TNKS: variants seen among roughly 807,000 people sequenced by gnomAD.
TNKS encodes the protein tankyrase.
TNKS carries 72 observed loss-of-function variants against 135.8 expected under a neutral mutation model. The observed-to-expected ratio is 0.53, with a 90% CI of 0.44 to 0.64. The LOEUF is 0.64. Ranked by LOEUF, TNKS falls within the 30% of genes least tolerant of loss-of-function variation. The pLI is 0.00. For synonymous variants in TNKS, 849 were observed against 649.3 expected (o/e 1.31, Z -4.68); for missense variants, 1,769 against 1,674.0 (o/e 1.06, Z -0.99).
chr8:9,663,058 C>A (rs191268000), intron 3 of TNKS, among the ~76,000 whole-genome samples: 158 of 152,270 alleles, frequency 1.0e-3, no homozygotes, highest in African/African-American at 3.6e-3. Context: ...GATCTGATGA[C>A]AGAATTAGAG....
intron 1 of TNKS, among the ~76,000 whole-genome samples, chr8:9,559,698 A>T (rs1401126407): frequency 2.0e-5 from 3 of 152,166 alleles, no homozygotes; most frequent in Non-Finnish European, 4.4e-5. Context: ...AAGTGAGAAC[A>T]TGTGGTATTT....
At chr8:9,659,196 G>T (rs1021348127) in intron 3 of TNKS, among the ~76,000 whole-genome samples, 1 of 152,166 alleles carries the variant, frequency 6.6e-6, no homozygotes, top group South Asian at 2.1e-4. Context: ...AGTTAACAAA[G>T]ATATCCAGGA....
chr8:9,644,395 CTG>C (rs1196522828), intron 3 of TNKS, among the ~76,000 whole-genome samples: 4 of 152,244 alleles, frequency 2.6e-5, no homozygotes, highest in African/African-American at 9.6e-5. Context: ...TGAGAAGACT[CTG>C]TTATCATTAT....
At chr8:9,765,851 G>A in intron 24 of TNKS, 54 bp downstream of exon 24, 1 of 1,454,904 alleles carries the variant, frequency 6.9e-7, no homozygotes, top group Non-Finnish European at 9.6e-7. Flanking sequence ...GCAGGAGTCA[G>A]TAAAGGGAAA....
chr8:9,766,961 G>T (rs572756818), intron 25 of TNKS, among the ~76,000 whole-genome samples: 37 of 152,254 alleles, frequency 2.4e-4, no homozygotes, highest in African/African-American at 8.4e-4. Context: ...CCAGTCACGG[G>T]TTATGATAAA....
chr8:9,639,754 G>A (rs1244815151), intron 3 of TNKS, among the ~76,000 whole-genome samples: 1 of 152,140 alleles, frequency 6.6e-6, no homozygotes, highest in East Asian at 1.9e-4. Context: ...TGCTATAAGT[G>A]TATTAGGGTG....
At chr8:9,656,663 C>T (rs1801388440) in intron 3 of TNKS, among the ~76,000 whole-genome samples, 1 of 142,366 alleles carries the variant, frequency 7.0e-6, no homozygotes, top group South Asian at 2.2e-4. Flanking sequence ...GGGTGTTTCT[C>T]ACAGAGGGGG....
At chr8:9,762,799 G>C (rs887028615) in intron 21 of TNKS, among the ~76,000 whole-genome samples, 2 of 151,334 alleles carry the variant, frequency 1.3e-5, no homozygotes, top group East Asian at 3.9e-4. Flanking sequence ...CAGCTACTAG[G>C]GAGGCTGAGG....
chr8:9,776,532 A>G, intron 26 of TNKS, 118 bp from the exon 27 acceptor site: 1 of 841,702 alleles, frequency 1.2e-6, no homozygotes, highest in Non-Finnish European at 1.9e-6. Context: ...CTATTAAGAA[A>G]CTGAGTCTAT....
chr8:9,561,254 C>G (rs1472177742), intron 1 of TNKS, among the ~76,000 whole-genome samples: 3 of 152,162 alleles, frequency 2.0e-5, no homozygotes, highest in African/African-American at 7.2e-5. Context: ...GAAATCTGTG[C>G]AAATCTTATG....
At chr8:9,562,879 T>G (rs909987936) in intron 1 of TNKS, among the ~76,000 whole-genome samples, 24 of 152,170 alleles carry the variant, frequency 1.6e-4, no homozygotes, top group African/African-American at 5.5e-4. Flanking sequence ...GACCAGATAT[T>G]CTATTACAGT....
intron 3 of TNKS, among the ~76,000 whole-genome samples, chr8:9,620,555 C>T (rs1445916468): frequency 6.6e-6 from 1 of 152,164 alleles, no homozygotes; most frequent in Non-Finnish European, 1.5e-5. Flanking sequence ...TTAACAGTGG[C>T]CTGTCCTGAT....
At chr8:9,596,488 T>C (rs927822467) in intron 2 of TNKS, among the ~76,000 whole-genome samples, 2 of 152,214 alleles carry the variant, frequency 1.3e-5, no homozygotes, top group African/African-American at 4.8e-5. Flanking sequence ...ATTATTTAAA[T>C]CTGCTAATTA....
At chr8:9,669,455 A>C (rs925489348) in intron 3 of TNKS, among the ~76,000 whole-genome samples, 1 of 152,014 alleles carries the variant, frequency 6.6e-6, no homozygotes, top group South Asian at 2.1e-4. Flanking sequence ...GAATGGAAAA[A>C]AGAAAGTAGG....
chr8:9,713,994 C>T (rs1041732750), intron 11 of TNKS, among the ~76,000 whole-genome samples: 1 of 152,210 alleles, frequency 6.6e-6, no homozygotes, highest in African/African-American at 2.4e-5. Flanking sequence ...CTGCTTCTAG[C>T]ACCCTGCTGC....
chr8:9,615,615 G>A lies in TNKS; in HGVS notation c.932G>A (p.Arg311Gln), dbSNP rs753349258. 4.3e-6 allele frequency: 7 copies of A among 1,613,488 alleles called. No individual in the cohort carries two copies. Among genetic ancestry groups the A allele is most frequent in the South Asian group, 2.2e-5 (2 of 90,908 alleles). ...LLQHGADPNI[R>Q]NTDGKSALDL... Reference sequence around the variant, plus strand: ...CAGCACGGAGCTGACCCAAACATTCGGAACACTGATGGGAAATCAGCCCTG... The same window carrying A: ...CAGCACGGAGCTGACCCAAACATTCAGAACACTGATGGGAAATCAGCCCTG... The change falls in exon 3 of 27, where the codon CGG becomes CAG. Residue 311 changes from arginine (R) to glutamine (Q), a missense_variant. By Grantham distance (43) the Arg-to-Gln change is conservative. Transcript: ENST00000310430.
intron 14 of TNKS, among the ~76,000 whole-genome samples, chr8:9,732,206 A>G (rs1383670575): frequency 6.6e-6 from 1 of 152,204 alleles, no homozygotes; most frequent in African/African-American, 2.4e-5. Flanking sequence ...GTATTCCTAG[A>G]AGCATAGTTT....
chr8:9,565,522 C>T (rs74643866), intron 1 of TNKS, among the ~76,000 whole-genome samples: 1 of 152,194 alleles, frequency 6.6e-6, no homozygotes, highest in African/African-American at 2.4e-5. Context: ...TACTGATTGA[C>T]TCAAAAAACC....
At chr8:9,674,851 G>C (rs963382909) in intron 3 of TNKS, among the ~76,000 whole-genome samples, 1 of 152,166 alleles carries the variant, frequency 6.6e-6, no homozygotes, top group African/African-American at 2.4e-5. Context: ...GTTTAGAATG[G>C]ATGTTCAGTG....
Sources: gnomAD v4.1 joint callset for allele counts (sites outside exome capture counted in the v4.1 genomes callset) on GRCh38, gnomAD v4.1.1 for gene constraint, MANE v1.5 for transcripts, NCBI Gene and HGNC (gene_info 2026-07-23, HGNC 2026-07-21) for gene names.